RAB11FIP4: variants seen among roughly 807,000 people sequenced by gnomAD.
The protein encoded by RAB11FIP4 is RAB11 family interacting protein 4, also known as rab11 family-interacting protein 4.
In RAB11FIP4, 23 loss-of-function variants were observed where a neutral mutation model predicts 74.3. That is an observed-to-expected ratio of 0.31 (90% CI 0.22 to 0.44). RAB11FIP4 has a LOEUF of 0.44. Ranked by LOEUF, RAB11FIP4 falls within the 20% of genes least tolerant of loss-of-function variation. The pLI, the probability that RAB11FIP4 is intolerant of heterozygous loss-of-function variation, is 1.00. For missense variants in RAB11FIP4, 630 were observed against 863.9 expected (o/e 0.73, Z 3.39); for synonymous variants, 360 against 359.9 (o/e 1.00, Z 0.00).
chr17:31,434,167 CCTT>C (rs1567654340), intron 3 of RAB11FIP4, 45 bp downstream of exon 3: 2 of 1,457,920 alleles, frequency 1.4e-6, no homozygotes, highest in African/African-American at 2.8e-5. Context: ...TCTGCCTCCT[CCTT>C]CTTGGTCTTG....
At chr17:31,428,935 A>G (rs2071279359) in intron 1 of RAB11FIP4, among the ~76,000 whole-genome samples, 1 of 151,902 alleles carries the variant, frequency 6.6e-6, no homozygotes. Flanking sequence ...ATGTGAGGAC[A>G]TGGCTCTTAA....
intron 1 of RAB11FIP4, among the ~76,000 whole-genome samples, chr17:31,394,077 G>C (rs2070904465): frequency 6.6e-6 from 1 of 152,264 alleles, no homozygotes; most frequent in South Asian, 2.1e-4. Context: ...CCTTCGGGGA[G>C]GGTCAGTGAT....
intron 10 of RAB11FIP4, 107 bp from the exon 11 acceptor site, chr17:31,527,735 T>C: frequency 1.3e-6 from 1 of 766,572 alleles, no homozygotes; most frequent in Non-Finnish European, 2.1e-6. Context: ...AGTTGGTTTC[T>C]GGTATCTTTC....
intron 3 of RAB11FIP4, among the ~76,000 whole-genome samples, chr17:31,442,761 A>G (rs1322151549): frequency 6.6e-6 from 1 of 152,088 alleles, no homozygotes; most frequent in Non-Finnish European, 1.5e-5. Flanking sequence ...GGAGTTTGAG[A>G]CCAGCCTGAC....
rs1274089114 is a variant in RAB11FIP4, at chr17:31,520,674, AT to A, written c.564-486del. ...AGGTGCTCGCCACCACGCCCGGCTA[AT>A]TTTTTGTATTTCTAGTAGAGTTGGG... On this transcript the variant is annotated intron_variant, in intron 4 of 14. Transcript: ENST00000621161. Among the ~76,000 whole-genome samples, 470 of 152,004 alleles carry A rather than the reference AT, an allele frequency of 3.1e-3. 2 individuals are homozygous for A. The highest frequency in any genetic ancestry group is 0.01 in the Middle Eastern group (3 of 292).
At chr17:31,513,901 C>T (rs536952986) in intron 3 of RAB11FIP4, among the ~76,000 whole-genome samples, 1 of 152,340 alleles carries the variant, frequency 6.6e-6, no homozygotes, top group East Asian at 1.9e-4. Context: ...CACTCTCCCA[C>T]TCTGAGCCTC....
At chr17:31,451,617 C>T (rs2071528557) in intron 3 of RAB11FIP4, among the ~76,000 whole-genome samples, 1 of 152,120 alleles carries the variant, frequency 6.6e-6, no homozygotes, top group African/African-American at 2.4e-5. Flanking sequence ...TTCCCGGTGA[C>T]TCTCACTGTT....
intron 1 of RAB11FIP4, among the ~76,000 whole-genome samples, chr17:31,428,322 G>A (rs1597911269): frequency 1.3e-5 from 2 of 152,216 alleles, no homozygotes; most frequent in African/African-American, 4.8e-5. Context: ...AATCCCCAAC[G>A]TGGTTTGGCT....
intron 3 of RAB11FIP4, among the ~76,000 whole-genome samples, chr17:31,508,470 G>A (rs1172005522): frequency 6.6e-6 from 1 of 152,220 alleles, no homozygotes; most frequent in Non-Finnish European, 1.5e-5. Context: ...CTGGGAGTGG[G>A]TGCTACGTGA....
chr17:31,453,792 C>CAAAAAA (rs555119408), intron 3 of RAB11FIP4, among the ~76,000 whole-genome samples: 4 of 62,590 alleles, frequency 6.4e-5, no homozygotes, highest in Non-Finnish European at 1.0e-4. Context: ...AGACTCGTCT[C>CAAAAAA]AAAAAAAAAA....
chr17:31,399,007 C>T (rs1314311497), intron 1 of RAB11FIP4, among the ~76,000 whole-genome samples: 1 of 152,182 alleles, frequency 6.6e-6, no homozygotes, highest in Admixed American at 6.5e-5. Context: ...AATGGTGCCC[C>T]GGCCTGGGCA....
At chr17:31,529,210 G>C (rs1038055497) in intron 13 of RAB11FIP4, among the ~76,000 whole-genome samples, 1 of 149,450 alleles carries the variant, frequency 6.7e-6, no homozygotes, top group African/African-American at 2.5e-5. Context: ...TGATCCTTCT[G>C]CCTCAGTCTC....
chr17:31,392,071 C>A lies in RAB11FIP4; in HGVS notation c.159+60C>A, dbSNP rs2070877991. 2.6e-6 allele frequency: 3 copies of A among 1,140,556 alleles called. No homozygotes were observed. In the East Asian group the frequency reaches 1.1e-4, roughly 43 times the overall value. 70.7% of individuals were successfully genotyped at this position (1,140,556 alleles called of 1,614,324 possible). ...CCCCAGCCCAGCCCCGCCGCCCCTC[C>A]CCCAGCTCCCCCGCCGGGTCACCCG... On this transcript the variant is annotated intron_variant, in intron 1 of 14. Coordinates refer to ENST00000621161, the MANE Select transcript of RAB11FIP4 (RefSeq NM_032932.6).
intron 1 of RAB11FIP4, among the ~76,000 whole-genome samples, chr17:31,403,037 A>T (rs576367330): frequency 2.6e-5 from 4 of 152,088 alleles, no homozygotes; most frequent in African/African-American, 9.7e-5. Flanking sequence ...GATTGAATAT[A>T]TAGAGATATA....
intron 3 of RAB11FIP4, among the ~76,000 whole-genome samples, chr17:31,500,349 G>A (rs1407156857): frequency 6.6e-6 from 1 of 152,180 alleles, no homozygotes; most frequent in African/African-American, 2.4e-5. Context: ...TGTCCCGGGG[G>A]CAGTAGCGGC....
At chr17:31,506,077 T>C (rs2072343269) in intron 3 of RAB11FIP4, among the ~76,000 whole-genome samples, 1 of 152,166 alleles carries the variant, frequency 6.6e-6, no homozygotes, top group Non-Finnish European at 1.5e-5. Flanking sequence ...GTTTTGAGAC[T>C]GTTAGATGCA....
At position 31,402,771 on chromosome 17, in the gene RAB11FIP4, A is replaced by G. The variant is rs575621551; in HGVS notation, c.159+10760A>G. 1.9e-3 allele frequency among the ~76,000 whole-genome samples: 294 copies of G among 150,872 alleles called. 1 individual carries two copies. The highest frequency in any genetic ancestry group is 8.8e-3 in the East Asian group (45 of 5,132). On this transcript the variant is annotated intron_variant, in intron 1 of 14. Transcript: ENST00000621161. ...CAAGTAGCTGGGACTACAGGCGCCC[A>G]CCATCACTCCTGGCTAATTTTTTTT...
chr17:31,537,347 T>C lies in RAB11FIP4; in HGVS notation c.*5615T>C, dbSNP rs2072982744. On this transcript the variant is annotated 3_prime_UTR_variant, in exon 15 of 15. Coordinates refer to ENST00000621161, the MANE Select transcript of RAB11FIP4 (RefSeq NM_032932.6). ...TGGCTCGCTCAGCCTGTAGACTTGGTAACTTTGTACAGAATCTTTCATTAT... is the reference window on the plus strand; with the variant it reads ...TGGCTCGCTCAGCCTGTAGACTTGGCAACTTTGTACAGAATCTTTCATTAT... 5.0e-6 allele frequency: 2 copies of C among 397,862 alleles called. No individual in the cohort carries two copies. Among genetic ancestry groups the C allele is most frequent in the Non-Finnish European group, 8.9e-6 (2 of 225,920 alleles). 24.6% of individuals were successfully genotyped at this position (397,862 alleles called of 1,614,324 possible). A position where few individuals can be genotyped will look rare whatever the true frequency, so the allele number is the denominator to read the frequency against.
At chr17:31,474,675 A>T (rs954015774) in intron 3 of RAB11FIP4, among the ~76,000 whole-genome samples, 9 of 151,710 alleles carry the variant, frequency 5.9e-5, no homozygotes, top group South Asian at 4.2e-4. Flanking sequence ...TCTCAAAAAA[A>T]AAAAAAAAAG....
Sources: gnomAD v4.1 joint callset for allele counts (sites outside exome capture counted in the v4.1 genomes callset) on GRCh38, gnomAD v4.1.1 for gene constraint, MANE v1.5 for transcripts, NCBI Gene and HGNC (gene_info 2026-07-23, HGNC 2026-07-21) for gene names.